The following TIMM44 variants were observed in gnomAD, a reference collection of about 807,000 sequenced individuals.
TIMM44 encodes translocase of inner mitochondrial membrane 44, also known as mitochondrial import inner membrane translocase subunit TIM44.
In TIMM44, 37 loss-of-function variants were observed where a neutral mutation model predicts 63.8. The observed-to-expected ratio is 0.58, with a 90% CI of 0.45 to 0.76. TIMM44 has a LOEUF of 0.76. TIMM44 is among the 30% of genes least tolerant of loss of function. The pLI, the probability that TIMM44 is intolerant of heterozygous loss-of-function variation, is 0.00. For synonymous variants in TIMM44, 239 were observed against 245.1 expected (o/e 0.98, Z 0.23); for missense variants, 573 against 603.8 (o/e 0.95, Z 0.54).
At position 7,930,063 on chromosome 19, in the gene TIMM44, G is replaced by A. The variant is rs561706223; in HGVS notation, c.1038+1075C>T. 5.3e-5 allele frequency among the ~76,000 whole-genome samples: 8 copies of A among 151,980 alleles called. No homozygotes were observed. In the East Asian group the frequency reaches 1.2e-3, roughly 22 times the overall value. On this transcript the variant is annotated intron_variant, in intron 10 of 12. Coordinates refer to ENST00000270538, the MANE Select transcript of TIMM44 (RefSeq NM_006351.4). ...AGGGTTTCACCATGTTGGCCAGACT[G>A]GTCTCGAACTCCTGACCTCAGGTGA...
rs770335352 is a variant in TIMM44 at position 7,927,771 on chromosome 19, C to T, written c.1129-4G>A. ...CCATCATCTTGCCCATGGCCAGCTG[C>T]AGAGGGGCCGAGAGGGGGGATGTGC... is the stretch of plus-strand genomic sequence containing the variant. On this transcript the variant is annotated splice_region_variant and splice_polypyrimidine_tract_variant and intron_variant, in intron 11 of 12. Coordinates refer to ENST00000270538, the MANE Select transcript of TIMM44 (RefSeq NM_006351.4). 6.2e-7 allele frequency: 1 copy of T among 1,609,876 alleles called. No individual in the cohort carries two copies. Among genetic ancestry groups the T allele is most frequent in the Non-Finnish European group, 8.5e-7 (1 of 1,179,788 alleles).
In TIMM44 at chr19:7,926,812, T is replaced by C. The variant is rs958007544; in HGVS notation, c.*375A>G. 2.5e-5 allele frequency: 8 copies of C among 323,240 alleles called. No individual in the cohort carries two copies. The highest frequency in any genetic ancestry group is 4.2e-5 in the Non-Finnish European group (7 of 165,824). 20.0% of individuals were successfully genotyped at this position (323,240 alleles called of 1,614,324 possible). A position where few individuals can be genotyped will look rare whatever the true frequency, so the allele number is the denominator to read the frequency against. On this transcript the variant is annotated 3_prime_UTR_variant, in exon 13 of 13. Coordinates refer to ENST00000270538, the MANE Select transcript of TIMM44 (RefSeq NM_006351.4). ...TTAAAATTAAAAAATGGACCTAAAGTGGCTTGGCTGACGTGGCTAGCGGGC... is the reference window on the plus strand; with the variant it reads ...TTAAAATTAAAAAATGGACCTAAAGCGGCTTGGCTGACGTGGCTAGCGGGC...
At position 7,926,873 on chromosome 19, in the gene TIMM44, G is replaced by A; in HGVS notation, c.*314C>T. On this transcript the variant is annotated 3_prime_UTR_variant, in exon 13 of 13. Coordinates refer to ENST00000270538, the MANE Select transcript of TIMM44 (RefSeq NM_006351.4). ...CGGGTCCCGGGTCCCACCCTGCTGT[G>A]GGGGGAGTCCCTGGGCCCTGGGGCC... is the stretch of plus-strand genomic sequence containing the variant. The A allele has an allele frequency of 2.5e-6, 1 of 404,048 alleles. No homozygotes were observed. Among genetic ancestry groups the A allele is most frequent in the South Asian group, 2.3e-5 (1 of 42,964 alleles). 25.0% of individuals were successfully genotyped at this position (404,048 alleles called of 1,614,324 possible).
chr19:7,935,903 C>T (rs1206312017), intron 3 of TIMM44, among the ~76,000 whole-genome samples: 1 of 152,196 alleles, frequency 6.6e-6, no homozygotes, highest in African/African-American at 2.4e-5. Flanking sequence ...GCTGTAGTCC[C>T]AGCTCTTTGG....
Position 7,933,836 on chromosome 19 carries a change from G to A in TIMM44, c.683+28C>T, listed in dbSNP as rs546857950. ...GCAGTGAAAGCTGCCCAAAATGGGGGCAGCGAGGGCCACGGGCTGGTACCT... is the reference window on the plus strand; with the variant it reads ...GCAGTGAAAGCTGCCCAAAATGGGGACAGCGAGGGCCACGGGCTGGTACCT... On this transcript the variant is annotated intron_variant, in intron 6 of 12. Transcript: ENST00000270538. This position sits in a 1 kb window ranked among gnomAD's most constrained non-coding sequence, Gnocchi z 4.3. 1.2e-6 allele frequency: 2 copies of A among 1,613,626 alleles called. No individual in the cohort carries two copies. The highest frequency in any genetic ancestry group is 4.5e-5 in the East Asian group (2 of 44,866).
chr19:7,938,348 T>TA (rs1385690611), intron 2 of TIMM44, 151 bp from the exon 3 acceptor site: 4 of 646,102 alleles, frequency 6.2e-6, no homozygotes, highest in South Asian at 2.0e-5. Context: ...ATAATAATCA[T>TA]AAAAAACAAA....
chr19:7,933,484 C>G lies in TIMM44; in HGVS notation c.769+1G>C. ...CTGCCCTCCAAGACACCTTCACTCA[C>G]GGTTAAACACCACGTTGTTCTCCTT... On this transcript the variant is annotated splice_donor_variant, in intron 7 of 12. Transcript: ENST00000270538. LOFTEE classifies it high-confidence loss of function. This position sits in a 1 kb window ranked among gnomAD's most constrained non-coding sequence, Gnocchi z 4.3. 1 of 1,613,966 alleles carries G rather than the reference C, an allele frequency of 6.2e-7. No homozygotes were observed. The highest frequency in any genetic ancestry group is 1.3e-5 in the African/African-American group (1 of 75,054).
At chr19:7,927,806 C>T in intron 11 of TIMM44, 39 bp from the exon 12 acceptor site, 1 of 1,588,238 alleles carries the variant, frequency 6.3e-7, no homozygotes, top group South Asian at 1.1e-5. Context: ...CCTCAGAGGA[C>T]AGCCCGGCTG....
rs945130178 is a variant in TIMM44, at chr19:7,933,526, T to C, written c.728A>G (p.Gln243Arg). ...GTTCTCCTTGAAGTCCTTCCACTGC[T>C]GGTACCACTTGGAGTCCTTGTGCAG... The part of the protein sequence containing the change: ...VVLHKDSKWY[Q>R]QWKDFKENNV... The change falls in exon 7 of 13, where the codon CAG becomes CGG. Residue 243 changes from glutamine to arginine, a missense_variant. By Grantham distance (43) the Gln-to-Arg change is conservative. Coordinates refer to ENST00000270538, the MANE Select transcript of TIMM44 (RefSeq NM_006351.4). This position sits in a 1 kb window ranked among gnomAD's most constrained non-coding sequence, Gnocchi z 4.3. 2.5e-6 allele frequency: 4 copies of C among 1,613,998 alleles called. No homozygotes were observed. The highest frequency in any genetic ancestry group is 3.4e-6 in the Non-Finnish European group (4 of 1,180,018).
intron 2 of TIMM44, among the ~76,000 whole-genome samples, chr19:7,940,231 T>C (rs1984269148): frequency 6.6e-6 from 1 of 150,472 alleles, no homozygotes; most frequent in African/African-American, 2.4e-5. Flanking sequence ...AGACCCTATC[T>C]TAAAAAAAAA....
chr19:7,938,125 C>G lies in TIMM44; in HGVS notation c.214G>C (p.Ala72Pro). ...CTTTCTTTCATTTCTTTGTTTTTGGCTAATTCTTGTTTGACATTATCTAGC... is the reference window on the plus strand; with the variant it reads ...CTTTCTTTCATTTCTTTGTTTTTGGGTAATTCTTGTTTGACATTATCTAGC... ...GLLDNVKQEL[A>P]KNKEMKESIK... Residue 72 changes from alanine (A) to proline (P), a missense_variant, in exon 3 of 13, where the codon GCC becomes CCC. By Grantham distance (27) the Ala-to-Pro change is conservative. Transcript: ENST00000270538. 6.2e-7 allele frequency: 1 copy of G among 1,613,960 alleles called. No individual in the cohort carries two copies. Among genetic ancestry groups the G allele is most frequent in the Non-Finnish European group, 8.5e-7 (1 of 1,180,000 alleles).
Position 7,927,169 on chromosome 19 carries a change from C to T in TIMM44, c.*18G>A, listed in dbSNP as rs1338250928. On this transcript the variant is annotated 3_prime_UTR_variant, in exon 13 of 13. Transcript: ENST00000270538. ...GCCTGATGACCCAGGCCGGGGCTAC[C>T]TGGCTCCGGCACCACACTCAGAGAA... The T allele has an allele frequency of 6.2e-7, 1 of 1,601,808 alleles. No homozygotes were observed. Among genetic ancestry groups the T allele is most frequent in the Non-Finnish European group, 8.5e-7 (1 of 1,178,348 alleles).
intron 11 of TIMM44, 108 bp downstream of exon 11, chr19:7,927,969 G>C: frequency 8.2e-7 from 1 of 1,225,512 alleles, no homozygotes; most frequent in Non-Finnish European, 1.2e-6. Context: ...AAGACCTCTT[G>C]GATCAGCCCA....
chr19:7,931,251 CCT>C, intron 9 of TIMM44, 63 bp from the exon 10 acceptor site: 1 of 1,478,894 alleles, frequency 6.8e-7, no homozygotes, highest in Non-Finnish European at 9.5e-7. Context: ...CAGGCGAGGT[CCT>C]GGGAACATTC....
intron 10 of TIMM44, among the ~76,000 whole-genome samples, chr19:7,929,515 G>T (rs1231981418): frequency 9.2e-5 from 14 of 152,166 alleles, no homozygotes; most frequent in Non-Finnish European, 1.5e-5. Context: ...ACTCTTCCAG[G>T]GGCTGTTTGG....
intron 12 of TIMM44, 116 bp downstream of exon 12, chr19:7,927,541 C>A: frequency 2.5e-6 from 3 of 1,191,678 alleles, no homozygotes; most frequent in Non-Finnish European, 3.7e-6. Context: ...TTCTCCACAT[C>A]CCCACCCAGT....
At chr19:7,937,997 G>A (rs1432582884) in intron 3 of TIMM44, 30 bp downstream of exon 3, 7 of 1,613,390 alleles carry the variant, frequency 4.3e-6, no homozygotes, top group East Asian at 4.5e-5. Context: ...CAGCCTGGGT[G>A]AGGGAAAAAA....
chr19:7,935,242 T>C, intron 3 of TIMM44, 97 bp from the exon 4 acceptor site: 1 of 1,098,508 alleles, frequency 9.1e-7, no homozygotes, highest in Non-Finnish European at 1.3e-6. Context: ...CTCGGCTCAC[T>C]GCAACTTCCT....
chr19:7,943,568 C>G lies in TIMM44; in HGVS notation c.45+39G>C, dbSNP rs749811830. The G allele has an allele frequency of 9.6e-6, 15 of 1,561,922 alleles. No homozygotes were observed. The highest frequency in any genetic ancestry group is 1.7e-4 in the Middle Eastern group (1 of 6,040). On this transcript the variant is annotated intron_variant, in intron 1 of 12. Coordinates refer to ENST00000270538, the MANE Select transcript of TIMM44 (RefSeq NM_006351.4). This position sits in a 1 kb window ranked among gnomAD's most constrained non-coding sequence, Gnocchi z 4.3. ...CCTTGGTGGCCGAAGGCCCAGAAGA[C>G]CCCTAAGCTCGCCCTGCCAGCGCCG...
Sources: gnomAD v4.1 joint callset for allele counts (sites outside exome capture counted in the v4.1 genomes callset) on GRCh38, gnomAD v4.1.1 for gene constraint, Gnocchi (gnomAD v3.1) non-coding constraint, MANE v1.5 for transcripts, NCBI Gene and HGNC (gene_info 2026-07-23, HGNC 2026-07-21) for gene names.